The following SAMD5 variants were observed in gnomAD, a reference collection of about 807,000 sequenced individuals.
SAMD5 encodes sterile alpha motif domain-containing protein 5.
Under a neutral mutation model 11.3 loss-of-function variants are expected in SAMD5, and 13 were observed. The observed-to-expected ratio is 1.15, with a 90% CI of 0.75 to 1.83. The LOEUF (loss-of-function observed/expected upper bound fraction) is 1.83. Ranked by LOEUF, SAMD5 falls within the 40% of genes most tolerant of loss-of-function variation. The pLI, the probability that SAMD5 is intolerant of heterozygous loss-of-function variation, is 0.00. For missense variants in SAMD5, 255 were observed against 239.1 expected, an observed-to-expected ratio of 1.07 and a Z score of -0.44; for synonymous variants, 129 against 111.3, an observed-to-expected ratio of 1.16 and a Z score of -1.00.
chr6:147,595,773 C>T (rs945998221), intron 1 of SAMD5, among the ~76,000 whole-genome samples: 6 of 152,160 alleles, frequency 3.9e-5, no homozygotes, highest in South Asian at 2.1e-4. Context: ...GATCCACCTG[C>T]CTCTGCCTCC....
the SAMD5 span, among the ~76,000 whole-genome samples, chr6:147,873,274 G>A: frequency 6.6e-6 from 1 of 151,964 alleles, no homozygotes; most frequent in Non-Finnish European, 1.5e-5. Flanking sequence ...CTACTCGGGA[G>A]GCTGAGGCAG....
the SAMD5 span, among the ~76,000 whole-genome samples, chr6:147,848,914 C>A: frequency 1.3e-5 from 2 of 152,106 alleles, no homozygotes; most frequent in African/African-American, 4.8e-5. Flanking sequence ...AGAAATCTTG[C>A]CTATATATGA....
rs1315464336 is a variant in SAMD5 at position 147,564,328 on chromosome 6, A to G, written c.460-66A>G. The stretch of plus-strand genomic sequence containing the variant: ...GACTTAAAAATAGGAGCAGAAATCC[A>G]TGATGGACTAGGGGAAGAATGGGTA... On this transcript the variant is annotated intron_variant, in intron 1 of 1. Transcript: ENST00000367474. 4 of 767,436 alleles carry G rather than the reference A, an allele frequency of 5.2e-6. No homozygotes were observed. The South Asian group carries it at 5.5e-5, about 11-fold the overall frequency. The allele number at this position is 767,436 out of a possible 1,614,324, so 47.5% of individuals were successfully genotyped here. A position where few individuals can be genotyped will look rare whatever the true frequency, so the allele number is the denominator to read the frequency against.
At chr6:147,841,423 G>A in the SAMD5 span, among the ~76,000 whole-genome samples, 1 of 152,118 alleles carries the variant, frequency 6.6e-6, no homozygotes, top group East Asian at 1.9e-4. Flanking sequence ...ATTCAAGATC[G>A]AGTTTAAAGT....
Position 147,509,048 on chromosome 6 carries a change from C to T in SAMD5, c.120C>T (p.Asp40=), listed in dbSNP as rs772036929. 6.8e-6 allele frequency: 11 copies of T among 1,606,338 alleles called. No homozygotes were observed. The highest frequency in any genetic ancestry group is 8.5e-7 in the Non-Finnish European group (1 of 1,177,238). The change falls in exon 1 of 2, where the codon GAC becomes GAT. Residue 40 remains aspartate (D), a synonymous_variant. Coordinates refer to ENST00000367474, the MANE Select transcript of SAMD5 (RefSeq NM_001030060.3). ...LEVCKQIGDP[D]LDAIGVLAPA... ...TGTGCAAGCAGATCGGGGACCCGGA[C>T]CTGGATGCCATCGGGGTGCTGGCGC...
downstream of SAMD5, among the ~76,000 whole-genome samples, chr6:147,738,553 G>T (rs947030755): frequency 1.3e-5 from 2 of 152,200 alleles, no homozygotes; most frequent in African/African-American, 4.8e-5. Context: ...GCTTCATTAT[G>T]AGCTTGTTAT....
the SAMD5 span, among the ~76,000 whole-genome samples, chr6:147,868,910 A>G: frequency 6.6e-6 from 1 of 152,208 alleles, no homozygotes; most frequent in East Asian, 1.9e-4. Context: ...AGACATGACC[A>G]AAAATAAGTA....
the SAMD5 span, among the ~76,000 whole-genome samples, chr6:147,809,306 A>G: frequency 6.6e-6 from 1 of 152,184 alleles, no homozygotes; most frequent in African/African-American, 2.4e-5. Context: ...TCTGAGACAC[A>G]GTACAGATTT....
intron 1 of SAMD5, among the ~76,000 whole-genome samples, chr6:147,547,010 C>T (rs1788697652): frequency 1.3e-5 from 2 of 152,168 alleles, no homozygotes; most frequent in South Asian, 2.1e-4. Context: ...TGGCGTTTCC[C>T]ATTAGTCGGT....
At chr6:147,707,563 A>T (rs187584930) in intron 1 of SAMD5, among the ~76,000 whole-genome samples, 1 of 152,322 alleles carries the variant, frequency 6.6e-6, no homozygotes, top group East Asian at 1.9e-4. Flanking sequence ...AGCCCTGCTT[A>T]TCTCTTTGCT....
At chr6:147,677,213 G>A (rs757600082) in intron 1 of SAMD5, among the ~76,000 whole-genome samples, 1 of 152,132 alleles carries the variant, frequency 6.6e-6, no homozygotes, top group Non-Finnish European at 1.5e-5. Context: ...TATTGGACAA[G>A]GCTAGGGAAT....
the SAMD5 span, among the ~76,000 whole-genome samples, chr6:147,870,223 C>G: frequency 1.3e-5 from 2 of 151,916 alleles, no homozygotes; most frequent in Non-Finnish European, 2.9e-5. Context: ...ATACAAACCT[C>G]CAGGGTATGC....
chr6:147,654,866 C>T (rs1562344199), intron 1 of SAMD5, among the ~76,000 whole-genome samples: 1 of 152,052 alleles, frequency 6.6e-6, no homozygotes, highest in Admixed American at 6.6e-5. Flanking sequence ...GTTTGCCCTC[C>T]ATCCTCCTAA....
intron 1 of SAMD5, among the ~76,000 whole-genome samples, chr6:147,688,170 C>G (rs1055775827): frequency 6.6e-6 from 1 of 151,798 alleles, no homozygotes; most frequent in African/African-American, 2.4e-5. Flanking sequence ...TGAGTTCCTG[C>G]TAAAATTCTG....
At chr6:147,806,248 C>T in the SAMD5 span, among the ~76,000 whole-genome samples, 24 of 152,274 alleles carry the variant, frequency 1.6e-4, no homozygotes, top group African/African-American at 3.4e-4. Context: ...ATAATCTATG[C>T]GGCTACATCA....
the SAMD5 span, among the ~76,000 whole-genome samples, chr6:147,844,665 AT>A: frequency 2.9e-4 from 35 of 122,664 alleles, no homozygotes; most frequent in Non-Finnish European, 3.8e-4. Flanking sequence ...GCCTAAAACA[AT>A]TTAAAAAAAA....
the SAMD5 span, among the ~76,000 whole-genome samples, chr6:147,795,224 C>A: frequency 4.1e-5 from 5 of 122,538 alleles, no homozygotes; most frequent in African/African-American, 1.2e-4. Context: ...CCTCCCCCCA[C>A]CCCACAACAG....
At chr6:147,706,588 G>T (rs549787383) in intron 1 of SAMD5, among the ~76,000 whole-genome samples, 1 of 152,218 alleles carries the variant, frequency 6.6e-6, no homozygotes, top group Non-Finnish European at 1.5e-5. Context: ...TACAACACAG[G>T]TTTGAACTGT....
At chr6:147,896,752 A>C in the SAMD5 span, among the ~76,000 whole-genome samples, 3 of 148,396 alleles carry the variant, frequency 2.0e-5, no homozygotes, top group Non-Finnish European at 1.5e-5. Flanking sequence ...AAAAAAAAAA[A>C]AAAAAAAAAA....
Sources: allele counts gnomAD v4.1 joint callset (sites outside exome capture counted in the v4.1 genomes callset), GRCh38; gene constraint gnomAD v4.1.1; transcripts MANE v1.5; gene names NCBI Gene and HGNC (gene_info 2026-07-23, HGNC 2026-07-21).